The following NPHP3 variants were observed in gnomAD, a reference collection of about 807,000 sequenced individuals.
NPHP3 encodes the protein nephrocystin 3.
In NPHP3, 123 loss-of-function variants were observed where a neutral mutation model predicts 171.9. The ratio of observed to expected loss-of-function variants is 0.72; its 90% CI spans 0.62 to 0.83. NPHP3 has a LOEUF of 0.83. Ranked by LOEUF, NPHP3 falls within the 40% of genes least tolerant of loss-of-function variation. NPHP3 has a pLI of 0.00. For missense variants in NPHP3, 1,506 were observed against 1,591.9 expected (o/e 0.95, Z 0.92); for synonymous variants, 558 against 579.2 (o/e 0.96, Z 0.52).
chr3:132,690,692 T>C, intron 18 of NPHP3, 42 bp from the exon 19 acceptor site: 2 of 1,606,658 alleles, frequency 1.2e-6, no homozygotes, highest in Non-Finnish European at 1.7e-6. Flanking sequence ...CTTCCTACAA[T>C]GAGACTGCTT....
intron 8 of NPHP3, among the ~76,000 whole-genome samples, chr3:132,705,439 T>C (rs1939722885): frequency 6.6e-6 from 1 of 152,176 alleles, no homozygotes. Flanking sequence ...AGCCTCCCTA[T>C]TGAATAAAAT....
rs1939040496 is a variant in NPHP3 at position 132,681,900 on chromosome 3, ACTG to A, written c.*7_*9del. The A allele has an allele frequency of 6.2e-7, 1 of 1,610,414 alleles. No individual in the cohort carries two copies. Among genetic ancestry groups the A allele is most frequent in the Non-Finnish European group, 8.5e-7 (1 of 1,176,772 alleles). ...TAAGGTACATTTGCAAAGAATTCTA[ACTG>A]CTGCTATTACCTTTGTCCTTGCTGA... On this transcript the variant is annotated 3_prime_UTR_variant, in exon 27 of 27. Transcript: ENST00000337331.
At chr3:132,718,344 A>C (rs530156122) in intron 3 of NPHP3, among the ~76,000 whole-genome samples, 2 of 152,336 alleles carry the variant, frequency 1.3e-5, no homozygotes, top group South Asian at 4.1e-4. Context: ...ATTTCCAGAA[A>C]ACATGTTTCA....
At chr3:132,713,738 G>C (rs1576683340) in intron 5 of NPHP3, among the ~76,000 whole-genome samples, 2 of 152,180 alleles carry the variant, frequency 1.3e-5, no homozygotes, top group East Asian at 3.8e-4. Context: ...CTATAATTAA[G>C]TTAGTAAGTA....
chr3:132,683,563 A>G (rs1174104962), intron 24 of NPHP3, 39 bp from the exon 25 acceptor site: 6 of 1,530,558 alleles, frequency 3.9e-6, no homozygotes, highest in Non-Finnish European at 5.4e-6. Context: ...AATATAAGGC[A>G]ATAAATACTA....
At chr3:132,706,766 A>T (rs1576677660) in intron 7 of NPHP3, among the ~76,000 whole-genome samples, 1 of 152,180 alleles carries the variant, frequency 6.6e-6, no homozygotes, top group African/African-American at 2.4e-5. Flanking sequence ...AGCATACTAA[A>T]TTTTTTAAAG....
rs564239365 is a variant in NPHP3, at chr3:132,688,794, A to T, written c.2981T>A (p.Val994Glu). ...VAQSLHQLAS[V>E]YVQWKKFGNA... ...GCCAAACTTCTTCCACTGCACGTAT[A>T]CACTTGCTAGTTGGTGGAGGGACTG... Residue 994 changes from valine to glutamate, a missense_variant, in exon 21 of 27, where the codon GTA becomes GAA. Transcript: ENST00000337331. The T allele has an allele frequency of 1.9e-6, 3 of 1,614,064 alleles. No homozygotes were observed. The African/African-American group carries it at 4.0e-5, about 22-fold the overall frequency.
rs750096070 is a variant in NPHP3, at chr3:132,719,279, T to C, written c.520-135A>G. 5.6e-6 allele frequency: 4 copies of C among 710,022 alleles called. No homozygotes were observed. In the South Asian group the frequency reaches 7.6e-5, roughly 14 times the overall value. 44.0% of individuals were successfully genotyped at this position (710,022 alleles called of 1,614,324 possible). A position where few individuals can be genotyped will look rare whatever the true frequency, so the allele number is the denominator to read the frequency against. On this transcript the variant is annotated intron_variant, in intron 2 of 26. Coordinates refer to ENST00000337331, the MANE Select transcript of NPHP3 (RefSeq NM_153240.5). ...TCGATTTCCTCTTTCATAGGGTGAA[T>C]GTCCTAGTACCTTTACCTTACTGTT... is the stretch of plus-strand genomic sequence containing the variant.
At chr3:132,705,140 A>G (rs1472704892) in intron 8 of NPHP3, among the ~76,000 whole-genome samples, 1 of 152,168 alleles carries the variant, frequency 6.6e-6, no homozygotes, top group Non-Finnish European at 1.5e-5. Context: ...TTTGAGGGAG[A>G]GGGGAATAAT....
intron 14 of NPHP3, 61 bp downstream of exon 14, chr3:132,697,199 T>A: frequency 1.8e-6 from 2 of 1,137,432 alleles, no homozygotes; most frequent in Admixed American, 3.4e-5. Context: ...AAGTCTCACA[T>A]AAGATGTTTC....
intron 23 of NPHP3, chr3:132,685,039 TGATA>T: frequency 2.1e-6 from 1 of 473,856 alleles, no homozygotes; most frequent in East Asian, 3.9e-5. Flanking sequence ...AAAGAAAAAC[TGATA>T]GATATTTTCC....
intron 6 of NPHP3, among the ~76,000 whole-genome samples, chr3:132,711,035 TAA>T (rs1939895321): frequency 6.6e-6 from 1 of 152,246 alleles, no homozygotes; most frequent in Admixed American, 6.5e-5. Context: ...TATCTTCAAA[TAA>T]CTCTGTGGAT....
chr3:132,722,242 G>A lies in NPHP3; in HGVS notation c.114C>T (p.Ala38=). 1 of 1,564,846 alleles carries A rather than the reference G, an allele frequency of 6.4e-7. No homozygotes were observed. Among genetic ancestry groups the A allele is most frequent in the Non-Finnish European group, 8.6e-7 (1 of 1,165,424 alleles). The change falls in exon 1 of 27, where the codon GCC becomes GCT. Residue 38 remains alanine, a synonymous_variant. Transcript: ENST00000337331. ...CEIPVEVKPK[A]RLLRNSFRRG... Reference sequence around the variant, plus strand: ...GGCGGAACGAGTTGCGCAGCAGGCGGGCCTTGGGCTTCACCTCCACCGGGA... The same window carrying A: ...GGCGGAACGAGTTGCGCAGCAGGCGAGCCTTGGGCTTCACCTCCACCGGGA...
chr3:132,695,555 A>G (rs991167629), intron 15 of NPHP3, among the ~76,000 whole-genome samples: 2 of 152,160 alleles, frequency 1.3e-5, no homozygotes, highest in South Asian at 2.1e-4. Context: ...AATTACTCAC[A>G]CTCTTGAATC....
intron 21 of NPHP3, among the ~76,000 whole-genome samples, chr3:132,687,574 C>T (rs1281436441): frequency 6.6e-6 from 1 of 152,170 alleles, no homozygotes; most frequent in Non-Finnish European, 1.5e-5. Context: ...GGCAACCTAA[C>T]TAAATGAAAA....
chr3:132,705,776 A>AT lies in NPHP3; in HGVS notation c.1313dup (p.Tyr438Ter), dbSNP rs1336950675. The change falls in exon 8 of 27, where the codon TAT becomes TAAT. Residue 438 changes from tyrosine (Y) to a stop codon, truncating the protein, a stop_gained and frameshift_variant. Transcript: ENST00000337331. LOFTEE classifies it high-confidence loss of function. ...TCTTTTCTACACAAATATAAGTTTTATATACTCCTTCTGCAGGATCTCCTG... is the reference window on the plus strand; with the variant it reads ...TCTTTTCTACACAAATATAAGTTTTATTATACTCCTTCTGCAGGATCTCCTG... ...DHSGDPAEGV[Y>*]KTYICVEKII... The AT allele has an allele frequency of 6.6e-7, 1 of 1,505,686 alleles. No individual in the cohort carries two copies. Among genetic ancestry groups the AT allele is most frequent in the Non-Finnish European group, 9.2e-7 (1 of 1,082,562 alleles). 93.3% of individuals were successfully genotyped at this position (1,505,686 alleles called of 1,614,324 possible).
intron 16 of NPHP3, 198 bp from the exon 17 acceptor site, chr3:132,693,016 T>G: frequency 1.8e-6 from 1 of 569,924 alleles, no homozygotes; most frequent in Non-Finnish European, 3.1e-6. Context: ...AGTGTATATA[T>G]AAAATCTAGC....
Position 132,681,941 on chromosome 3 carries a change from G to A in NPHP3, c.3962C>T (p.Pro1321Leu). 1.2e-6 allele frequency: 2 copies of A among 1,614,094 alleles called. No homozygotes were observed. Among genetic ancestry groups the A allele is most frequent in the Non-Finnish European group, 1.7e-6 (2 of 1,179,992 alleles). Reference sequence around the variant, plus strand: ...TTGTCCTTGCTGAAGGAAAACATTAGGAGAATGAGCTGTTTTTAAGCTAAA... The same window carrying A: ...TTGTCCTTGCTGAAGGAAAACATTAAGAGAATGAGCTGTTTTTAAGCTAAA... ...DTFSLKTAHSPNVFLQQGQR is the reference protein window; with the variant it reads ...DTFSLKTAHSLNVFLQQGQR The change falls in exon 27 of 27, where the codon CCT (proline) becomes CTT (leucine). Residue 1321 changes from proline to leucine, a missense_variant. Pro to Leu is a moderately conservative substitution (Grantham distance 98). Around this residue, in one of 3 missense-constraint regions of NPHP3, gnomAD observed 569 missense variants for 648.1 expected, o/e 0.88. Transcript: ENST00000337331.
At chr3:132,721,729 A>G in intron 1 of NPHP3, 1 of 696,844 alleles carries the variant, frequency 1.4e-6, no homozygotes, top group Non-Finnish European at 2.6e-6. Flanking sequence ...TGAGCCCAGG[A>G]GTTCCAGGTT....
Sources: allele counts gnomAD v4.1 joint callset (sites outside exome capture counted in the v4.1 genomes callset), GRCh38; gene constraint gnomAD v4.1.1; regional missense constraint gnomAD v4.1.1; transcripts MANE v1.5; gene names NCBI Gene and HGNC (gene_info 2026-07-23, HGNC 2026-07-21).